Variants in CNTNAP5 observed in about 807,000 individuals in gnomAD.
The protein encoded by CNTNAP5 is contactin associated protein family member 5.
In CNTNAP5, 72 loss-of-function variants were observed where a neutral mutation model predicts 150.2. The observed-to-expected ratio is 0.48, with a 90% CI of 0.40 to 0.58. The LOEUF (loss-of-function observed/expected upper bound fraction) is 0.58, where lower values mean the gene tolerates loss of function less well. CNTNAP5 is among the 20% of genes least tolerant of loss of function. The probability of loss-of-function intolerance (pLI) is 0.00; values close to 1 mark genes in which losing one functional copy is unlikely to be tolerated. For synonymous variants in CNTNAP5, 672 were observed against 619.8 expected, an observed-to-expected ratio of 1.08 and a Z score of -1.25; for missense variants, 1,636 against 1,626.2, an observed-to-expected ratio of 1.01 and a Z score of -0.10.
chr2:124,507,262 C>T (rs775387916), intron 8 of CNTNAP5, among the ~76,000 whole-genome samples: 10 of 152,078 alleles, frequency 6.6e-5, no homozygotes, highest in Non-Finnish European at 1.3e-4. Flanking sequence ...AGTTCAAAAT[C>T]AGCCTGAGTA....
chr2:124,173,697 A>C (rs2104668212), intron 1 of CNTNAP5, among the ~76,000 whole-genome samples: 1 of 152,340 alleles, frequency 6.6e-6, no homozygotes, highest in African/African-American at 2.4e-5. Context: ...ATAACATACA[A>C]GTGCAAAGTA....
intron 3 of CNTNAP5, among the ~76,000 whole-genome samples, chr2:124,345,201 C>T (rs1689708113): frequency 6.6e-6 from 1 of 152,158 alleles, no homozygotes; most frequent in Admixed American, 6.5e-5. Flanking sequence ...AGACTTTAAG[C>T]CATAGAACAT....
intron 3 of CNTNAP5, among the ~76,000 whole-genome samples, chr2:124,262,671 T>A (rs1186401295): frequency 6.6e-6 from 1 of 152,044 alleles, no homozygotes; most frequent in East Asian, 1.9e-4. Flanking sequence ...TTTTAATACT[T>A]TAAGTTCTAG....
chr2:124,570,556 T>TTTAG lies in CNTNAP5; in HGVS notation c.1756+7234_1756+7235insTAGT, dbSNP rs562580777. Among the ~76,000 whole-genome samples the TTTAG allele has an allele frequency of 6.7e-3, 927 of 138,256 alleles. 1 individual carries two copies. The highest frequency in any genetic ancestry group is 0.029 in the Middle Eastern group (8 of 280). 90.7% of individuals were successfully genotyped at this position (138,256 alleles called of 152,430 possible). A position where few individuals can be genotyped will look rare whatever the true frequency, so the allele number is the denominator to read the frequency against. ...TGGCCAACTAAGAGCCAGCCACAGT[T>TTTAG]TGTTGGGGATCGGGTTGCTAATATT... On this transcript the variant is annotated intron_variant, in intron 11 of 23. Transcript: ENST00000682447.
intron 3 of CNTNAP5, among the ~76,000 whole-genome samples, chr2:124,393,659 C>T (rs756201118): frequency 4.6e-5 from 7 of 152,166 alleles, no homozygotes; most frequent in Non-Finnish European, 1.0e-4. Context: ...GTGCTTTAGA[C>T]CAGATCTCCT....
chr2:124,887,500 C>A (rs573652093), intron 21 of CNTNAP5, among the ~76,000 whole-genome samples: 1 of 151,996 alleles, frequency 6.6e-6, no homozygotes, highest in African/African-American at 2.4e-5. Flanking sequence ...ATCTGAAAAC[C>A]AGGAATCATC....
chr2:124,873,872 G>C (rs1677800583), intron 21 of CNTNAP5, among the ~76,000 whole-genome samples: 2 of 152,010 alleles, frequency 1.3e-5, no homozygotes. Context: ...GTTTTCTTCA[G>C]TACCATCAAT....
At chr2:124,676,683 T>C (rs1377016211) in intron 13 of CNTNAP5, among the ~76,000 whole-genome samples, 1 of 152,184 alleles carries the variant, frequency 6.6e-6, no homozygotes, top group Non-Finnish European at 1.5e-5. Context: ...GTTAGGCTAC[T>C]GTACTTGTGA....
At position 124,917,597 on chromosome 2, in the gene CNTNAP5, T is replaced by C. The variant is rs533234141; in HGVS notation, c.*3309T>C. On this transcript the variant is annotated 3_prime_UTR_variant, in exon 24 of 24. Transcript: ENST00000682447. Reference sequence around the variant, plus strand: ...TTCCTCTCCTTAGTAATAACAGAGATGGTATTAACTTGACTTCTACCTTTT... The same window carrying C: ...TTCCTCTCCTTAGTAATAACAGAGACGGTATTAACTTGACTTCTACCTTTT... Among the ~76,000 whole-genome samples, 7 of 152,226 alleles carry C rather than the reference T, an allele frequency of 4.6e-5. No homozygotes were observed. Among genetic ancestry groups the C allele is most frequent in the African/African-American group, 1.4e-4 (6 of 41,572 alleles).
chr2:124,862,321 T>C (rs1353444593), intron 19 of CNTNAP5, among the ~76,000 whole-genome samples: 1 of 152,206 alleles, frequency 6.6e-6, no homozygotes, highest in Non-Finnish European at 1.5e-5. Flanking sequence ...AGAAATTGCA[T>C]CGCATTCATG....
chr2:124,553,755 G>T (rs899245161), intron 10 of CNTNAP5, among the ~76,000 whole-genome samples: 1 of 152,122 alleles, frequency 6.6e-6, no homozygotes, highest in African/African-American at 2.4e-5. Context: ...TTCACCAAAA[G>T]GCAACCATTG....
intron 6 of CNTNAP5, among the ~76,000 whole-genome samples, chr2:124,463,580 A>G (rs1470601547): frequency 1.3e-5 from 2 of 152,142 alleles, no homozygotes; most frequent in Non-Finnish European, 2.9e-5. Context: ...TCTGCTTTTC[A>G]TCTCCTCCAG....
intron 3 of CNTNAP5, among the ~76,000 whole-genome samples, chr2:124,327,557 A>G (rs1021361685): frequency 6.6e-6 from 1 of 152,170 alleles, no homozygotes; most frequent in African/African-American, 2.4e-5. Context: ...AGCATTTACT[A>G]TCTATTCTCT....
At chr2:124,546,314 G>A (rs1466726156) in intron 10 of CNTNAP5, among the ~76,000 whole-genome samples, 3 of 152,078 alleles carry the variant, frequency 2.0e-5, no homozygotes, top group Non-Finnish European at 4.4e-5. Flanking sequence ...AAATTAGCTT[G>A]AGAAATGCTG....
chr2:124,459,932 G>A (rs762195357), intron 6 of CNTNAP5, among the ~76,000 whole-genome samples: 12 of 152,078 alleles, frequency 7.9e-5, no homozygotes, highest in Admixed American at 2.6e-4. Context: ...TGTCTGAATC[G>A]AAATGACTCT....
At chr2:124,478,683 A>G (rs566589902) in intron 7 of CNTNAP5, among the ~76,000 whole-genome samples, 3 of 152,294 alleles carry the variant, frequency 2.0e-5, no homozygotes, top group African/African-American at 7.2e-5. Flanking sequence ...CTGCTACAAA[A>G]TCAGCTTTGC....
chr2:124,780,048 C>G (rs923999786), intron 17 of CNTNAP5, among the ~76,000 whole-genome samples: 1 of 152,154 alleles, frequency 6.6e-6, no homozygotes, highest in South Asian at 2.1e-4. Flanking sequence ...AGGCAGAGCT[C>G]CCCGTGCCGT....
At chr2:124,361,389 A>G (rs1162506111) in intron 3 of CNTNAP5, among the ~76,000 whole-genome samples, 3 of 143,764 alleles carry the variant, frequency 2.1e-5, no homozygotes, top group Non-Finnish European at 4.6e-5. Flanking sequence ...GGAGCTCTGC[A>G]TTTTAGAGTT....
intron 17 of CNTNAP5, among the ~76,000 whole-genome samples, chr2:124,781,753 A>C (rs1236141559): frequency 1.3e-5 from 2 of 152,204 alleles, no homozygotes; most frequent in Non-Finnish European, 2.9e-5. Context: ...TCTATCAATG[A>C]CAGAGTCAGG....
Sources: allele counts gnomAD v4.1 joint callset (sites outside exome capture counted in the v4.1 genomes callset), GRCh38; gene constraint gnomAD v4.1.1; transcripts MANE v1.5; gene names NCBI Gene and HGNC (gene_info 2026-07-23, HGNC 2026-07-21).